ANK3: variants seen among roughly 807,000 people sequenced by gnomAD.
The protein encoded by ANK3 is ankyrin-3.
A neutral mutation model predicts 370.9 loss-of-function variants in ANK3; 57 were observed. The observed-to-expected ratio is 0.15, with a 90% confidence interval of 0.12 to 0.19. The LOEUF is 0.19. ANK3 is among the 10% of genes least tolerant of loss of function. The pLI is 1.00. For missense variants in ANK3, 4,439 were observed against 5,302.1 expected, an observed-to-expected ratio of 0.84 and a Z score of 5.06; for synonymous variants, 1,929 against 1,946.3, an observed-to-expected ratio of 0.99 and a Z score of 0.23.
At chr10:60,715,422 A>C (rs749928346) in intron 1 of ANK3, among the ~76,000 whole-genome samples, 4 of 152,148 alleles carry the variant, frequency 2.6e-5, no homozygotes, top group Non-Finnish European at 4.4e-5. Context: ...CACACATAAT[A>C]TCTGGTGGTG....
chr10:60,505,429 A>G (rs1195027166), intron 2 of ANK3, among the ~76,000 whole-genome samples: 1 of 152,094 alleles, frequency 6.6e-6, no homozygotes, highest in Admixed American at 6.6e-5. Context: ...TATTTCATCT[A>G]CCAAGATATA....
chr10:60,172,204 G>T (rs1591224268), intron 21 of ANK3, 104 bp downstream of exon 21: 2 of 814,458 alleles, frequency 2.5e-6, no homozygotes, highest in South Asian at 1.7e-5. Context: ...TTAAAACATG[G>T]TGCTTAGTTT....
At chr10:60,136,868 A>G (rs10821685) in intron 24 of ANK3, among the ~76,000 whole-genome samples, 144,913 of 152,274 alleles carry the variant, frequency 0.95, 69,158 homozygotes, top group Middle Eastern at 0.99. Context: ...GATCTAGAAA[A>G]CATTAAATTG....
chr10:60,628,677 TTAAA>T (rs570126825), intron 1 of ANK3, among the ~76,000 whole-genome samples: 1 of 152,108 alleles, frequency 6.6e-6, no homozygotes, highest in Non-Finnish European at 1.5e-5. Flanking sequence ...AATTGGCAAG[TTAAA>T]TAAATAAATA....
At chr10:60,129,906 T>C (rs977898784) in intron 25 of ANK3, among the ~76,000 whole-genome samples, 3 of 152,214 alleles carry the variant, frequency 2.0e-5, no homozygotes, top group Admixed American at 2.0e-4. Context: ...TATCTTCAGG[T>C]AATTTTTGGC....
intron 1 of ANK3, among the ~76,000 whole-genome samples, chr10:60,378,575 G>T (rs1458410383): frequency 6.6e-6 from 1 of 152,072 alleles, no homozygotes; most frequent in Non-Finnish European, 1.5e-5. Flanking sequence ...TGACGAAGGT[G>T]CAAAGAACGC....
At chr10:60,205,251 C>T (rs10740014) in intron 11 of ANK3, among the ~76,000 whole-genome samples, 110,641 of 152,006 alleles carry the variant, frequency 0.73, 40,339 homozygotes, top group East Asian at 0.86. Context: ...GACAGAGTAA[C>T]CCTTACTTGA....
At chr10:60,272,884 G>A (rs966204331) in intron 4 of ANK3, among the ~76,000 whole-genome samples, 1 of 152,122 alleles carries the variant, frequency 6.6e-6, no homozygotes, top group Admixed American at 6.6e-5. Context: ...TTGGGGTGGA[G>A]GTCTGCTGTG....
At chr10:60,331,666 CCTT>C (rs1379084990) in intron 1 of ANK3, among the ~76,000 whole-genome samples, 1 of 151,910 alleles carries the variant, frequency 6.6e-6, no homozygotes, top group Admixed American at 6.6e-5. Context: ...TCCTGCCCAT[CCTT>C]CTTTCAAGGC....
chr10:60,716,595 C>G (rs2079792915), intron 1 of ANK3, among the ~76,000 whole-genome samples: 1 of 152,136 alleles, frequency 6.6e-6, no homozygotes, highest in African/African-American at 2.4e-5. Flanking sequence ...CTCACTGCAA[C>G]CTCCACCTCC....
At chr10:60,198,613 T>C in intron 13 of ANK3, 76 bp from the exon 14 acceptor site, 1 of 1,357,358 alleles carries the variant, frequency 7.4e-7, no homozygotes, top group Non-Finnish European at 1.1e-6. Flanking sequence ...TCAGGGAATA[T>C]TAGCTGCTTG....
chr10:60,044,203 C>A, intron 42 of ANK3: 5 of 984,332 alleles, frequency 5.1e-6, no homozygotes, highest in Non-Finnish European at 6.0e-6. Context: ...ACAAAAGTAG[C>A]AGAGTTTTTA....
intron 1 of ANK3, among the ~76,000 whole-genome samples, chr10:60,646,869 A>G (rs1240754602): frequency 6.6e-6 from 1 of 152,202 alleles, no homozygotes; most frequent in Non-Finnish European, 1.5e-5. Context: ...GGGATTTAGC[A>G]ACATGGAAAT....
At chr10:60,245,865 A>G (rs2097544557) in intron 7 of ANK3, among the ~76,000 whole-genome samples, 1 of 152,216 alleles carries the variant, frequency 6.6e-6, no homozygotes. Flanking sequence ...TGTGCAGGAC[A>G]TTTCTTTTTA....
At chr10:60,379,370 T>C (rs535136937) in intron 1 of ANK3, among the ~76,000 whole-genome samples, 35 of 152,210 alleles carry the variant, frequency 2.3e-4, no homozygotes, top group African/African-American at 8.2e-4. Flanking sequence ...ACTGGGCATT[T>C]ATGCAAAGGA....
At chr10:60,696,183 T>G (rs1204019594) in intron 1 of ANK3, among the ~76,000 whole-genome samples, 1 of 149,334 alleles carries the variant, frequency 6.7e-6, no homozygotes, top group Admixed American at 6.8e-5. Flanking sequence ...ACACATACAC[T>G]CTCCCAAGAC....
chr10:60,126,851 C>T (rs994199500), intron 25 of ANK3, among the ~76,000 whole-genome samples: 10 of 152,274 alleles, frequency 6.6e-5, no homozygotes, highest in Middle Eastern at 3.4e-3. Flanking sequence ...AGATGCTAGA[C>T]GTTTTATGTT....
At chr10:60,190,061 G>C (rs2096445814) in intron 16 of ANK3, among the ~76,000 whole-genome samples, 1 of 152,006 alleles carries the variant, frequency 6.6e-6, no homozygotes, top group African/African-American at 2.4e-5. Flanking sequence ...GAAATAGATT[G>C]GACTAAAATA....
At chr10:60,434,084 T>C (rs1156361102) in intron 2 of ANK3, among the ~76,000 whole-genome samples, 1 of 152,244 alleles carries the variant, frequency 6.6e-6, no homozygotes, top group African/African-American at 2.4e-5. Flanking sequence ...CAACTAATTT[T>C]AGAATACTTT....
Sources: allele counts gnomAD v4.1 joint callset (sites outside exome capture counted in the v4.1 genomes callset), GRCh38; gene constraint gnomAD v4.1.1; transcripts MANE v1.5; gene names NCBI Gene and HGNC (gene_info 2026-07-23, HGNC 2026-07-21).